Variants in GOSR2 observed in about 807,000 individuals in gnomAD.
The protein encoded by GOSR2 is golgi SNAP receptor complex member 2, also known as 27 kDa Golgi SNARE protein.
A neutral mutation model predicts 27.9 loss-of-function variants in GOSR2; 20 were observed. The observed-to-expected ratio is 0.72, with a 90% CI of 0.50 to 1.04. GOSR2 has a LOEUF of 1.04. GOSR2 is among the 50% of genes least tolerant of loss of function. The pLI is 0.00. For missense variants in GOSR2, 261 were observed against 270.5 expected (o/e 0.97, Z 0.25); for synonymous variants, 91 against 98.8 (o/e 0.92, Z 0.47).
chr17:46,924,232 A>G (rs1234747308), intron 1 of GOSR2: 2 of 183,296 alleles, frequency 1.1e-5, no homozygotes, highest in Middle Eastern at 1.9e-3. Context: ...GTCCTTTTGT[A>G]TCTGGCTTAT....
At chr17:46,934,175 C>T (rs1355779162) in intron 4 of GOSR2, among the ~76,000 whole-genome samples, 1 of 152,190 alleles carries the variant, frequency 6.6e-6, no homozygotes, top group Non-Finnish European at 1.5e-5. Context: ...ACTGGACTTC[C>T]AGCTCTGTGA....
Position 46,938,599 on chromosome 17 carries a change from G to C in GOSR2, c.478G>C (p.Gly160Arg), listed in dbSNP as rs1476244562. The change falls in exon 6 of 6, where the codon GGG becomes CGG. Residue 160 changes from glycine (G) to arginine (R), a missense_variant and splice_region_variant. Transcript: ENST00000640051. ...GLRTQRLTLK[G>R]TQKKILDIAN... ...TTTTTTCTGTTCTCTTCTGCCCCAG[G>C]GGACTCAGAAGAAGATCCTTGACAT... The C allele has an allele frequency of 1.9e-6, 3 of 1,613,276 alleles. No homozygotes were observed. The highest frequency in any genetic ancestry group is 2.5e-6 in the Non-Finnish European group (3 of 1,179,278).
In GOSR2 at chr17:46,940,577, A is replaced by G. The variant is rs2089137631; in HGVS notation, c.*1817A>G. On this transcript the variant is annotated 3_prime_UTR_variant, in exon 6 of 6. Coordinates refer to ENST00000640051, the MANE Select transcript of GOSR2 (RefSeq NM_004287.5). ...CAGGCACCCAAGGATCCTGCCAGAC[A>G]GCACACTTTGGAGGAAGGTCTGCAG... 6.2e-7 allele frequency: 1 copy of G among 1,614,206 alleles called. No homozygotes were observed. Among genetic ancestry groups the G allele is most frequent in the Non-Finnish European group, 8.5e-7 (1 of 1,180,038 alleles).
chr17:46,970,601 C>T (rs975284576), downstream of GOSR2, among the ~76,000 whole-genome samples: 2 of 150,724 alleles, frequency 1.3e-5, no homozygotes, highest in African/African-American at 4.9e-5. Flanking sequence ...ATGAGGACTC[C>T]AGCCACAATC....
chr17:46,972,730 G>C (rs1185591745), intron 6 of GOSR2, among the ~76,000 whole-genome samples: 1 of 152,144 alleles, frequency 6.6e-6, no homozygotes, highest in Non-Finnish European at 1.5e-5. Flanking sequence ...GGCTGACGCT[G>C]GCTACCCAAA....
chr17:46,936,800 A>G, intron 5 of GOSR2: 3 of 984,336 alleles, frequency 3.0e-6, no homozygotes, highest in Non-Finnish European at 3.6e-6. Flanking sequence ...ATACAAATAC[A>G]TTTCTCTGAT....
At chr17:46,959,984 C>T (rs1477773567) in intron 6 of GOSR2, among the ~76,000 whole-genome samples, 1 of 152,194 alleles carries the variant, frequency 6.6e-6, no homozygotes, top group East Asian at 1.9e-4. Flanking sequence ...CAGATCTGGT[C>T]CTCAGCAGTA....
chr17:46,948,538 A>T (rs2090093519), intron 6 of GOSR2: 1 of 152,224 alleles, frequency 6.6e-6, no homozygotes, highest in African/African-American at 2.4e-5. Flanking sequence ...ACCTATTAGG[A>T]CTTGCTCACT....
At chr17:46,955,612 C>T (rs1371822058) in intron 6 of GOSR2, 1 of 152,196 alleles carries the variant, frequency 6.6e-6, no homozygotes, top group African/African-American at 2.4e-5. Context: ...AGATCTGAGG[C>T]CAAGCACACC....
Position 46,958,362 on chromosome 17 carries a change from A to T in GOSR2, c.584-8172A>T, listed in dbSNP as rs1421700736. On this transcript the variant is annotated intron_variant, in intron 6 of 6. Coordinates refer to the GOSR2 transcript ENST00000573224. Reference sequence around the variant, plus strand: ...ACAATTACCCAAAAATCCACTCCTGACAGTTGCAACAGCGGGAGCTAGCAA... The same window carrying T: ...ACAATTACCCAAAAATCCACTCCTGTCAGTTGCAACAGCGGGAGCTAGCAA... 2.0e-5 allele frequency among the ~76,000 whole-genome samples: 3 copies of T among 152,256 alleles called. No individual in the cohort carries two copies. In the South Asian group the frequency reaches 6.2e-4, roughly 31 times the overall value.
chr17:46,942,947 C>T (rs2089466130), downstream of GOSR2, among the ~76,000 whole-genome samples: 1 of 152,172 alleles, frequency 6.6e-6, no homozygotes, highest in Non-Finnish European at 1.5e-5. Flanking sequence ...CCCCATGTCC[C>T]TCTAGTACAG....
At chr17:46,935,237 G>C (rs1318037705) in intron 5 of GOSR2, 68 bp downstream of exon 5, 1 of 1,610,608 alleles carries the variant, frequency 6.2e-7, no homozygotes, top group Non-Finnish European at 8.5e-7. Flanking sequence ...TTTAGTAACT[G>C]TGTTTATATT....
At chr17:46,929,733 A>G (rs1192771667) in intron 2 of GOSR2, 149 bp downstream of exon 2, 1 of 635,368 alleles carries the variant, frequency 1.6e-6, no homozygotes, top group Non-Finnish European at 2.9e-6. Flanking sequence ...ACCCTATGGC[A>G]AAGTCACTGA....
downstream of GOSR2, among the ~76,000 whole-genome samples, chr17:46,945,718 TAA>T (rs928857035): frequency 1.3e-5 from 2 of 152,104 alleles, no homozygotes; most frequent in African/African-American, 4.8e-5. Flanking sequence ...TGGCCTCCTC[TAA>T]GAGTTTCTTG....
downstream of GOSR2, among the ~76,000 whole-genome samples, chr17:46,942,455 CTCA>C (rs923135898): frequency 1.3e-5 from 2 of 152,236 alleles, no homozygotes; most frequent in Non-Finnish European, 2.9e-5. Flanking sequence ...GAGCTGGCCC[CTCA>C]TCCAGCTTGG....
At chr17:46,969,093 C>G (rs2091365406), downstream of GOSR2, among the ~76,000 whole-genome samples, 1 of 152,242 alleles carries the variant, frequency 6.6e-6, no homozygotes, top group Non-Finnish European at 1.5e-5. Context: ...CTCACAGCCA[C>G]CGGCCTCCCA....
chr17:46,966,441 G>A (rs1267160484), intron 6 of GOSR2: 2 of 602,398 alleles, frequency 3.3e-6, no homozygotes, highest in East Asian at 3.0e-5. Context: ...TTGACCTGCT[G>A]GGCTTAAGCA....
chr17:46,963,040 G>A (rs2091153882), intron 6 of GOSR2, among the ~76,000 whole-genome samples: 1 of 152,196 alleles, frequency 6.6e-6, no homozygotes, highest in Non-Finnish European at 1.5e-5. Flanking sequence ...TAGAAGCAGG[G>A]CTTGAATCAA....
chr17:46,965,411 G>A (rs138747357), intron 6 of GOSR2, among the ~76,000 whole-genome samples: 3 of 152,282 alleles, frequency 2.0e-5, no homozygotes, highest in African/African-American at 2.4e-5. Flanking sequence ...GACTTCTGTG[G>A]CACCCCAGGG....
Sources: gnomAD v4.1 joint callset for allele counts (sites outside exome capture counted in the v4.1 genomes callset) on GRCh38, gnomAD v4.1.1 for gene constraint, MANE v1.5 for transcripts, NCBI Gene and HGNC (gene_info 2026-07-23, HGNC 2026-07-21) for gene names.